Variants in CLBA1 observed in about 807,000 individuals in gnomAD.
CLBA1 encodes uncharacterized protein CLBA1.
In CLBA1, 30 loss-of-function variants were observed where a neutral mutation model predicts 28.8. The ratio of observed to expected loss-of-function variants is 1.04; its 90% CI spans 0.78 to 1.41. The LOEUF is 1.41. Ranked by LOEUF, CLBA1 falls within the 40% of genes most tolerant of loss-of-function variation. The probability of loss-of-function intolerance (pLI) is 0.00; values close to 1 mark genes in which losing one functional copy is unlikely to be tolerated. For missense variants in CLBA1, 451 were observed against 412.3 expected (o/e 1.09, Z -0.81); for synonymous variants, 160 against 152.8 (o/e 1.05, Z -0.35).
intron 2 of CLBA1, 121 bp downstream of exon 2, chr14:104,989,209 C>A: frequency 3.0e-6 from 3 of 1,009,726 alleles, no homozygotes; most frequent in Non-Finnish European, 2.9e-6. Context: ...GAGGTCCCTG[C>A]CATCTGTGGG....
Position 104,989,047 on chromosome 14 carries a change from C to G in CLBA1, c.528C>G (p.Ser176Arg). ...VSTIDHFLEI[S>R]SEEKPGVERV... ...CCATAGACCATTTCCTAGAAATAAGCAGTGAAGAAAAACCTGGCGTTGAAC... is the reference window on the plus strand; with the variant it reads ...CCATAGACCATTTCCTAGAAATAAGGAGTGAAGAAAAACCTGGCGTTGAAC... Residue 176 changes from serine to arginine, a missense_variant, in exon 2 of 5, where the codon AGC becomes AGG. Physicochemically the swap from Ser to Arg is moderately radical, Grantham distance 110. Coordinates refer to ENST00000547315, the MANE Select transcript of CLBA1 (RefSeq NM_174891.4). 10 of 1,613,140 alleles carry G rather than the reference C, an allele frequency of 6.2e-6. No homozygotes were observed. The highest frequency in any genetic ancestry group is 8.5e-6 in the Non-Finnish European group (10 of 1,179,568).
intron 2 of CLBA1, chr14:104,990,092 T>C: frequency 5.2e-6 from 1 of 193,018 alleles, no homozygotes; most frequent in Non-Finnish European, 1.1e-5. Context: ...GAGAATGTGG[T>C]CCCAGCAAGC....
chr14:104,993,102 CT>C, intron 4 of CLBA1, 38 bp downstream of exon 4: 1 of 1,591,916 alleles, frequency 6.3e-7, no homozygotes, highest in Non-Finnish European at 8.6e-7. Context: ...GGGAACCGCG[CT>C]GGCGGTGTCC....
chr14:104,991,754 C>T, intron 3 of CLBA1, 134 bp downstream of exon 3: 1 of 1,099,716 alleles, frequency 9.1e-7, no homozygotes. Flanking sequence ...CACTAGGTGG[C>T]CCCATAAACG....
At chr14:105,001,067 T>TAAAAAAAAAA (rs71454491) in intron 2 of CLBA1, among the ~76,000 whole-genome samples, 1 of 126,306 alleles carries the variant, frequency 7.9e-6, no homozygotes, top group Non-Finnish European at 1.6e-5. Flanking sequence ...TATTCAGCTG[T>TAAAAAAAAAA]AAAAAAAAAA....
downstream of CLBA1, among the ~76,000 whole-genome samples, chr14:104,996,110 C>T (rs187190715): frequency 1.4e-4 from 22 of 152,350 alleles, no homozygotes; most frequent in East Asian, 1.3e-3. Flanking sequence ...GCCCTTGCTC[C>T]TCACCTGGCT....
At chr14:105,000,240 T>G (rs1050417350), downstream of CLBA1, among the ~76,000 whole-genome samples, 1 of 151,744 alleles carries the variant, frequency 6.6e-6, no homozygotes, top group African/African-American at 2.4e-5. Context: ...GATAACCTGA[T>G]TGAAAAAATA....
intron 1 of CLBA1, 85 bp from the exon 2 acceptor site, chr14:104,988,858 C>T (rs1899938980): frequency 8.2e-6 from 11 of 1,339,758 alleles, no homozygotes; most frequent in Non-Finnish European, 1.1e-5. Flanking sequence ...AATTTCATTT[C>T]TATCACAATT....
chr14:104,995,359 T>C lies in CLBA1; in HGVS notation c.*600T>C, dbSNP rs1900138462. The C allele has an allele frequency of 2.0e-6, 2 of 985,308 alleles. No individual in the cohort carries two copies. The highest frequency in any genetic ancestry group is 3.5e-5 in the African/African-American group (2 of 57,218). 61.0% of individuals were successfully genotyped at this position (985,308 alleles called of 1,614,324 possible). A position where few individuals can be genotyped will look rare whatever the true frequency, so the allele number is the denominator to read the frequency against. On this transcript the variant is annotated 3_prime_UTR_variant, in exon 5 of 5. Coordinates refer to ENST00000547315, the MANE Select transcript of CLBA1 (RefSeq NM_174891.4). ...AGGACAGGCCTTTGTCCCTCACGGT[T>C]GTGGACAGGAGGTCGCACCACTGGC...
Position 104,986,382 on chromosome 14 carries a change from G to T in CLBA1, c.-50G>T, listed in dbSNP as rs1488341182. ...GGGCGGCCAGCACCCCGGCGTGCAT[G>T]TCTCCTGAGCAGCTGCCCATCGGGC... On this transcript the variant is annotated 5_prime_UTR_variant, in exon 1 of 5. An upstream start codon of the reference 5' UTR is lost. Coordinates refer to ENST00000547315, the MANE Select transcript of CLBA1 (RefSeq NM_174891.4). The T allele has an allele frequency of 8.2e-5, 129 of 1,579,176 alleles. 2 individuals are homozygous for T. In the Admixed American group the frequency reaches 2.2e-3, roughly 27 times the overall value.
chr14:104,992,077 G>A (rs1158451890), intron 3 of CLBA1, among the ~76,000 whole-genome samples: 5 of 108,550 alleles, frequency 4.6e-5, no homozygotes, highest in Non-Finnish European at 7.3e-5. Context: ...CGCACACCCC[G>A]CCACGCACAT....
intron 4 of CLBA1, chr14:104,993,764 C>A: frequency 3.0e-6 from 3 of 985,432 alleles, no homozygotes; most frequent in South Asian, 9.4e-5. Context: ...GACCCAGGAC[C>A]TTGGAACAGT....
rs1008250088 is a variant in CLBA1, at chr14:104,985,925, C to A, written c.-507C>A. 4.5e-4 allele frequency: 68 copies of A among 149,800 alleles called. No individual in the cohort carries two copies. Among genetic ancestry groups the A allele is most frequent in the Non-Finnish European group, 6.7e-4 (52 of 77,332 alleles). The allele number at this position is 149,800 out of a possible 1,614,324, so 9.3% of individuals were successfully genotyped here. ...AGCCGTGGGCCAGGCGCTTAGCCGG[C>A]CACCTCGGGCCCTGTCCAGGCCCAG... On this transcript the variant is annotated 5_prime_UTR_variant, in exon 1 of 5. Transcript: ENST00000547315.
At chr14:104,997,567 T>A (rs1057070848), downstream of CLBA1, among the ~76,000 whole-genome samples, 1 of 152,216 alleles carries the variant, frequency 6.6e-6, no homozygotes, top group Non-Finnish European at 1.5e-5. Flanking sequence ...CTACAGGCCT[T>A]AAAGGCAGCT....
In CLBA1 at chr14:104,986,143, C is replaced by T. The variant is rs1041083452; in HGVS notation, c.-289C>T. The T allele has an allele frequency of 1.0e-4, 49 of 487,096 alleles. No individual in the cohort carries two copies. The highest frequency in any genetic ancestry group is 1.7e-4 in the Non-Finnish European group (45 of 265,614). 30.2% of individuals were successfully genotyped at this position (487,096 alleles called of 1,614,324 possible). On this transcript the variant is annotated 5_prime_UTR_variant, in exon 1 of 5. Transcript: ENST00000547315. ...CCCACCTTGGGCCGCCCCTCTCACACCTGCCGTGGGTCTGGTACGCGCCTC... is the reference window on the plus strand; with the variant it reads ...CCCACCTTGGGCCGCCCCTCTCACATCTGCCGTGGGTCTGGTACGCGCCTC...
At chr14:104,994,070 C>CA (rs1261091413) in intron 4 of CLBA1, 2 of 985,178 alleles carry the variant, frequency 2.0e-6, no homozygotes, top group Admixed American at 6.1e-5. Context: ...CATGGGGCAA[C>CA]AGGAGAGGGC....
intron 3 of CLBA1, 27 bp from the exon 4 acceptor site, chr14:104,992,921 G>A: frequency 6.6e-7 from 1 of 1,524,820 alleles, no homozygotes; most frequent in Non-Finnish European, 9.1e-7. Context: ...GACTGTACCG[G>A]CTGTCTGATG....
chr14:104,995,152 G>T lies in CLBA1; in HGVS notation c.*393G>T. 7 of 991,918 alleles carry T rather than the reference G, an allele frequency of 7.1e-6. No individual in the cohort carries two copies. Among genetic ancestry groups the T allele is most frequent in the Non-Finnish European group, 8.4e-6 (7 of 834,436 alleles). 61.4% of individuals were successfully genotyped at this position (991,918 alleles called of 1,614,324 possible). A position where few individuals can be genotyped will look rare whatever the true frequency, so the allele number is the denominator to read the frequency against. Reference sequence around the variant, plus strand: ...CAAATCCATGAGTTCAGAGGAAAAGGGGAAGGCACTGAAACGTCACCAGAG... The same window carrying T: ...CAAATCCATGAGTTCAGAGGAAAAGTGGAAGGCACTGAAACGTCACCAGAG... On this transcript the variant is annotated 3_prime_UTR_variant, in exon 5 of 5. Transcript: ENST00000547315.
At chr14:105,000,860 T>C (rs1900253938) in intron 2 of CLBA1, among the ~76,000 whole-genome samples, 1 of 151,956 alleles carries the variant, frequency 6.6e-6, no homozygotes, top group Non-Finnish European at 1.5e-5. Flanking sequence ...AAGTTAAAAA[T>C]AGAACTACCA....
Sources: allele counts gnomAD v4.1 joint callset (sites outside exome capture counted in the v4.1 genomes callset), GRCh38; gene constraint gnomAD v4.1.1; transcripts MANE v1.5; gene names NCBI Gene and HGNC (gene_info 2026-07-23, HGNC 2026-07-21).